The following PCDHGA4 variants were observed in gnomAD, a reference collection of about 807,000 sequenced individuals.
PCDHGA4 encodes the protein protocadherin gamma subfamily A, 4, also known as protocadherin gamma-A4.
Under a neutral mutation model 54.6 loss-of-function variants are expected in PCDHGA4, and 38 were observed. The observed-to-expected ratio is 0.70, with a 90% CI of 0.54 to 0.91. PCDHGA4 has a LOEUF of 0.91. Ranked by LOEUF, PCDHGA4 falls within the 40% of genes least tolerant of loss-of-function variation. The pLI, the probability that PCDHGA4 is intolerant of heterozygous loss-of-function variation, is 0.00. For synonymous variants in PCDHGA4, 511 were observed against 512.9 expected, an observed-to-expected ratio of 1.00 and a Z score of 0.05; for missense variants, 1,298 against 1,220.9, an observed-to-expected ratio of 1.06 and a Z score of -0.94.
At chr5:141,374,130 T>A (rs368568776) in intron 1 of PCDHGA4, 2 of 1,604,204 alleles carry the variant, frequency 1.2e-6, no homozygotes, top group Middle Eastern at 1.7e-4. Context: ...CAGGTCCTGC[T>A]CCTCACGCTC....
chr5:141,482,363 G>C (rs2099556985), intron 1 of PCDHGA4, among the ~76,000 whole-genome samples: 1 of 152,086 alleles, frequency 6.6e-6, no homozygotes, highest in African/African-American at 2.4e-5. Flanking sequence ...AGAGTGAAAA[G>C]TAATGCATAT....
intron 1 of PCDHGA4, among the ~76,000 whole-genome samples, chr5:141,434,495 G>A (rs1414485396): frequency 6.6e-6 from 1 of 152,220 alleles, no homozygotes; most frequent in Non-Finnish European, 1.5e-5. Flanking sequence ...GGCCCGCCCA[G>A]GGCAGAAAAC....
intron 1 of PCDHGA4, chr5:141,393,007 G>T: frequency 6.2e-7 from 1 of 1,613,850 alleles, no homozygotes; most frequent in South Asian, 1.1e-5. Context: ...CACGGAGTCC[G>T]TATCGTCTCC....
chr5:141,417,824 G>A (rs2096165363), intron 1 of PCDHGA4: 4 of 1,518,120 alleles, frequency 2.6e-6, no homozygotes, highest in Non-Finnish European at 3.5e-6. Context: ...TTCTCCAACT[G>A]GAAAAGCGGG....
chr5:141,429,861 A>C (rs1483953460), intron 1 of PCDHGA4, among the ~76,000 whole-genome samples: 1 of 152,226 alleles, frequency 6.6e-6, no homozygotes, highest in Non-Finnish European at 1.5e-5. Flanking sequence ...TCTTTGGACT[A>C]CCAATTTTCT....
In PCDHGA4 at chr5:141,490,274, A is replaced by G. The variant is rs1285515971; in HGVS notation, c.2515-4533A>G. The G allele has an allele frequency of 6.2e-7, 1 of 1,614,228 alleles. No individual in the cohort carries two copies. Among genetic ancestry groups the G allele is most frequent in the Non-Finnish European group, 8.5e-7 (1 of 1,180,038 alleles). On this transcript the variant is annotated intron_variant, in intron 1 of 3. Transcript: ENST00000571252. This position sits in a 1 kb window ranked among gnomAD's most constrained non-coding sequence, Gnocchi z 5.4. ...CAAGTGGATGTGGGGGATGTCAATGACAATGCCCCAGAGGTGCTATTGGCC... is the reference window on the plus strand; with the variant it reads ...CAAGTGGATGTGGGGGATGTCAATGGCAATGCCCCAGAGGTGCTATTGGCC...
At chr5:141,453,475 A>C (rs2098766452) in intron 1 of PCDHGA4, among the ~76,000 whole-genome samples, 1 of 151,996 alleles carries the variant, frequency 6.6e-6, no homozygotes, top group Non-Finnish European at 1.5e-5. Context: ...ATAAAGTCAA[A>C]ACTATTAAAA....
chr5:141,425,248 G>T (rs954872490), intron 1 of PCDHGA4, among the ~76,000 whole-genome samples: 2 of 152,178 alleles, frequency 1.3e-5, no homozygotes, highest in Admixed American at 1.3e-4. Context: ...AAAAGGATAT[G>T]AGGTATTTGG....
Position 141,355,377 on chromosome 5 carries a change from G to A in PCDHGA4, c.270G>A (p.Leu90=). Residue 90 remains leucine, a synonymous_variant, in exon 1 of 4, where the codon CTG becomes CTA. Transcript: ENST00000571252. ...ACCTGGGGTTGGCGCCCCGGGAGCT[G>A]GCGGAGCGCGGAGTCCGCATCGTCT... ...AKDLGLAPRE[L]AERGVRIVSR... The A allele has an allele frequency of 6.2e-7, 1 of 1,614,034 alleles. No homozygotes were observed. Among genetic ancestry groups the A allele is most frequent in the Non-Finnish European group, 8.5e-7 (1 of 1,179,916 alleles).
chr5:141,375,152 G>T, intron 1 of PCDHGA4: 2 of 1,613,930 alleles, frequency 1.2e-6, no homozygotes, highest in Non-Finnish European at 1.7e-6. Context: ...CAGAACAATT[G>T]CTGAAAGTGC....
chr5:141,374,384 C>A, intron 1 of PCDHGA4: 1 of 1,613,962 alleles, frequency 6.2e-7, no homozygotes, highest in East Asian at 2.2e-5. Flanking sequence ...TCAGAGCCCG[C>A]GGTGTCTGGT....
intron 1 of PCDHGA4, among the ~76,000 whole-genome samples, chr5:141,482,530 C>CAAAAAAAAAAAAAAAAAAAAAA (rs3074545): frequency 1.3e-5 from 1 of 76,562 alleles, no homozygotes. Context: ...GACAGACATG[C>CAAAAAAAAAAAAAAAAAAAAAA]AAAAAAAAAA....
rs370966840 is a variant in PCDHGA4 at position 141,360,786 on chromosome 5, C to T, written c.2514+3165C>T. ...AATTGGTCCTCACAGCTGTGGATGG[C>T]GGAGACCCACCTCAAAGTGGCACGA... On this transcript the variant is annotated intron_variant, in intron 1 of 3. Coordinates refer to ENST00000571252, the MANE Select transcript of PCDHGA4 (RefSeq NM_018917.4). The T allele has an allele frequency of 1.7e-3, 2,804 of 1,612,498 alleles. 7 individuals carry two copies. The highest frequency in any genetic ancestry group is 2.1e-3 in the Non-Finnish European group (2,428 of 1,179,770).
intron 1 of PCDHGA4, among the ~76,000 whole-genome samples, chr5:141,459,386 T>C (rs1283863283): frequency 6.6e-6 from 1 of 152,260 alleles, no homozygotes; most frequent in African/African-American, 2.4e-5. Context: ...GTGTTCCATT[T>C]GATTGTTGAG....
chr5:141,364,502 G>A (rs781499695), intron 1 of PCDHGA4: 2 of 1,614,026 alleles, frequency 1.2e-6, no homozygotes, highest in Non-Finnish European at 1.7e-6. Flanking sequence ...GGAGCCCCAG[G>A]AGCTGGCGGA....
At chr5:141,405,440 GAC>G (rs1297950312) in intron 1 of PCDHGA4, 3 of 1,417,402 alleles carry the variant, frequency 2.1e-6, no homozygotes, top group Non-Finnish European at 2.9e-6. Flanking sequence ...TTGTTTTTGA[GAC>G]AGAGTCTTAC....
At position 141,404,694 on chromosome 5, in the gene PCDHGA4, C is replaced by G. The variant is rs749803871; in HGVS notation, c.2514+47073C>G. 3.1e-6 allele frequency: 5 copies of G among 1,613,998 alleles called. No individual in the cohort carries two copies. In the Admixed American group the frequency reaches 5.0e-5, roughly 16 times the overall value. On this transcript the variant is annotated intron_variant, in intron 1 of 3. Coordinates refer to ENST00000571252, the MANE Select transcript of PCDHGA4 (RefSeq NM_018917.4). ...ACTGGTGTGGAGCTGGCACCCCGCT[C>G]TGCAGAGCCTGGCTACCTGGTGACC...
chr5:141,371,913 G>C, intron 1 of PCDHGA4: 1 of 1,613,394 alleles, frequency 6.2e-7, no homozygotes, highest in African/African-American at 1.3e-5. Context: ...CTACGTGTCC[G>C]TGAGCGCGCG....
At chr5:141,398,384 T>A (rs1413881140) in intron 1 of PCDHGA4, 1 of 1,454,330 alleles carries the variant, frequency 6.9e-7, no homozygotes, top group East Asian at 2.3e-5. Context: ...GAGTTGCTTG[T>A]GAGCAGCAGG....
Sources: gnomAD v4.1 joint callset for allele counts (sites outside exome capture counted in the v4.1 genomes callset) on GRCh38, gnomAD v4.1.1 for gene constraint, Gnocchi (gnomAD v3.1) non-coding constraint, MANE v1.5 for transcripts, NCBI Gene and HGNC (gene_info 2026-07-23, HGNC 2026-07-21) for gene names.